GRID1: variants seen among roughly 807,000 people sequenced by gnomAD.
The protein encoded by GRID1 is glutamate ionotropic receptor delta type subunit 1.
In GRID1, 28 loss-of-function variants were observed where a neutral mutation model predicts 98.0. The observed-to-expected ratio is 0.29, with a 90% confidence interval of 0.21 to 0.39. The LOEUF (loss-of-function observed/expected upper bound fraction) is 0.39. GRID1 is among the 10% of genes least tolerant of loss of function. GRID1 has a pLI of 1.00. For synonymous variants in GRID1, 553 were observed against 538.5 expected (o/e 1.03, Z -0.37); for missense variants, 1,111 against 1,340.5 (o/e 0.83, Z 2.67).
In GRID1 at chr10:86,316,326, C is replaced by T. The variant is rs527501793; in HGVS notation, c.235+47615G>A. 1.5e-4 allele frequency among the ~76,000 whole-genome samples: 23 copies of T among 152,398 alleles called. No homozygotes were observed. In the South Asian group the frequency reaches 4.8e-3, roughly 32 times the overall value. On this transcript the variant is annotated intron_variant, in intron 2 of 15. Transcript: ENST00000327946. ...CACTGTCCACCCTCCCACACACCCT[C>T]ACAGCCAGGACTGACAGCTCCTTCA...
At chr10:85,887,525 C>G (rs12266011) in intron 5 of GRID1, among the ~76,000 whole-genome samples, 1 of 152,136 alleles carries the variant, frequency 6.6e-6, no homozygotes. Context: ...TCAGGCCCCA[C>G]CCTAAACCTA....
At position 85,916,597 on chromosome 10, in the gene GRID1, A is replaced by G. The variant is rs1164984876; in HGVS notation, c.727-358T>C. ...GGGCGCTTAGGGGATGAGTGTTATC[A>G]TTACTCCAGGCTACAGAATCAGGAA... is the stretch of plus-strand genomic sequence containing the variant. On this transcript the variant is annotated intron_variant, in intron 4 of 15. Transcript: ENST00000327946. The surrounding 1 kb of genome is among the most constrained non-coding windows in gnomAD (Gnocchi z 4.0). Among the ~76,000 whole-genome samples the G allele has an allele frequency of 1.3e-5, 2 of 152,156 alleles. No individual in the cohort carries two copies. Among genetic ancestry groups the G allele is most frequent in the Admixed American group, 6.5e-5 (1 of 15,282 alleles).
chr10:85,725,527 G>T (rs1040331363), intron 10 of GRID1, among the ~76,000 whole-genome samples: 1 of 152,186 alleles, frequency 6.6e-6, no homozygotes, highest in Admixed American at 6.5e-5. Flanking sequence ...GCGATTACGG[G>T]TTTCATGTCC....
At chr10:85,690,948 A>G (rs1277484130) in intron 12 of GRID1, among the ~76,000 whole-genome samples, 4 of 152,200 alleles carry the variant, frequency 2.6e-5, no homozygotes, top group Non-Finnish European at 5.9e-5. Context: ...AGGCTTTTAC[A>G]AGGCATTAAG....
At chr10:85,772,684 A>C (rs1225268053) in intron 8 of GRID1, among the ~76,000 whole-genome samples, 1 of 152,232 alleles carries the variant, frequency 6.6e-6, no homozygotes, top group Non-Finnish European at 1.5e-5. Flanking sequence ...ATCAGAGAAT[A>C]CTATAAACAC....
At chr10:85,750,085 A>G (rs1842031992) in intron 8 of GRID1, among the ~76,000 whole-genome samples, 1 of 152,234 alleles carries the variant, frequency 6.6e-6, no homozygotes, top group African/African-American at 2.4e-5. Flanking sequence ...CCTGGCACAG[A>G]GCAGGCACTC....
rs1429226630 is a variant in GRID1, at chr10:86,114,308, T to C, written c.726+24511A>G. Among the ~76,000 whole-genome samples the C allele has an allele frequency of 2.0e-5, 3 of 152,084 alleles. No homozygotes were observed. The East Asian group carries it at 5.8e-4, about 29-fold the overall frequency. On this transcript the variant is annotated intron_variant, in intron 4 of 15. Transcript: ENST00000327946. Reference sequence around the variant, plus strand: ...CTGGAGGGACTAACCTTGTGGTCTATGCTTTCCTCCAGGGACACAAGCCTG... The same window carrying C: ...CTGGAGGGACTAACCTTGTGGTCTACGCTTTCCTCCAGGGACACAAGCCTG...
chr10:86,010,325 A>G (rs2131880609), intron 4 of GRID1, among the ~76,000 whole-genome samples: 1 of 152,116 alleles, frequency 6.6e-6, no homozygotes, highest in Non-Finnish European at 1.5e-5. Flanking sequence ...AGCGAACACA[A>G]ACACATGCCC....
intron 4 of GRID1, among the ~76,000 whole-genome samples, chr10:86,032,596 T>A (rs1027753582): frequency 6.6e-6 from 1 of 152,174 alleles, no homozygotes; most frequent in Non-Finnish European, 1.5e-5. Flanking sequence ...CGGTGCAAGA[T>A]GTGCTTTGTT....
At chr10:86,000,003 C>T (rs1842785455) in intron 4 of GRID1, among the ~76,000 whole-genome samples, 1 of 152,184 alleles carries the variant, frequency 6.6e-6, no homozygotes, top group Non-Finnish European at 1.5e-5. Flanking sequence ...GAAATCAAAG[C>T]GTGTACAGAT....
At chr10:85,984,650 A>G (rs1842588009) in intron 4 of GRID1, among the ~76,000 whole-genome samples, 1 of 152,238 alleles carries the variant, frequency 6.6e-6, no homozygotes, top group African/African-American at 2.4e-5. Flanking sequence ...ACATCAGAGC[A>G]AAACGGCCCT....
At chr10:85,676,616 A>G (rs1841148357) in intron 12 of GRID1, among the ~76,000 whole-genome samples, 1 of 152,178 alleles carries the variant, frequency 6.6e-6, no homozygotes, top group Non-Finnish European at 1.5e-5. Context: ...GCAGCTTCCA[A>G]TGAGCCTGCC....
chr10:86,071,359 C>T (rs192234325), intron 4 of GRID1, among the ~76,000 whole-genome samples: 7 of 152,356 alleles, frequency 4.6e-5, no homozygotes, highest in African/African-American at 1.7e-4. Flanking sequence ...CAATGACTTG[C>T]ATCCTGGCTC....
chr10:85,640,668 G>A (rs543469229), intron 13 of GRID1, among the ~76,000 whole-genome samples: 1 of 152,302 alleles, frequency 6.6e-6, no homozygotes, highest in African/African-American at 2.4e-5. Flanking sequence ...TCCTTCTAGG[G>A]ATCAGCTTCT....
chr10:85,836,277 T>A (rs1399882916), intron 8 of GRID1, among the ~76,000 whole-genome samples: 1 of 151,642 alleles, frequency 6.6e-6, no homozygotes, highest in Non-Finnish European at 1.5e-5. Flanking sequence ...ACCAACTAGA[T>A]GTAGACAAGT....
intron 12 of GRID1, among the ~76,000 whole-genome samples, chr10:85,678,646 G>T (rs1283763419): frequency 6.6e-6 from 1 of 151,954 alleles, no homozygotes; most frequent in Non-Finnish European, 1.5e-5. Context: ...CCATACATCA[G>T]CCCTTCTTTA....
chr10:86,037,151 C>T (rs569904905), intron 4 of GRID1, among the ~76,000 whole-genome samples: 5 of 152,164 alleles, frequency 3.3e-5, no homozygotes, highest in Admixed American at 6.5e-5. Flanking sequence ...TCGAACCTGC[C>T]GTCCAAGCTT....
chr10:86,038,264 A>G (rs1843297457), intron 4 of GRID1, among the ~76,000 whole-genome samples: 1 of 152,196 alleles, frequency 6.6e-6, no homozygotes, highest in South Asian at 2.1e-4. Flanking sequence ...TCAAGCTATC[A>G]GTGTAATGTC....
intron 12 of GRID1, among the ~76,000 whole-genome samples, chr10:85,714,236 C>A (rs1362183076): frequency 2.6e-5 from 4 of 151,754 alleles, no homozygotes; most frequent in Non-Finnish European, 5.9e-5. Context: ...AGAGGAACAA[C>A]AGAACTGGGA....
Sources: gnomAD v4.1 joint callset for allele counts (sites outside exome capture counted in the v4.1 genomes callset) on GRCh38, gnomAD v4.1.1 for gene constraint, Gnocchi (gnomAD v3.1) non-coding constraint, MANE v1.5 for transcripts, NCBI Gene and HGNC (gene_info 2026-07-23, HGNC 2026-07-21) for gene names.